The following PTPRG variants were observed in gnomAD, a reference collection of about 807,000 sequenced individuals.
PTPRG encodes the protein receptor-type tyrosine-protein phosphatase gamma.
In PTPRG, 102 loss-of-function variants were observed where a neutral mutation model predicts 165.3. That is an observed-to-expected ratio of 0.62 (90% CI 0.53 to 0.73). The LOEUF is 0.73. Among genes scored for constraint, PTPRG ranks in the 30% least tolerant of loss-of-function variants. The probability of loss-of-function intolerance (pLI) is 0.00; values close to 1 mark genes in which losing one functional copy is unlikely to be tolerated. For missense variants in PTPRG, 1,866 were observed against 1,861.4 expected, an observed-to-expected ratio of 1.00 and a Z score of -0.05; for synonymous variants, 675 against 669.5, an observed-to-expected ratio of 1.01 and a Z score of -0.13.
chr3:62,045,987 A>C (rs577040726), intron 4 of PTPRG, among the ~76,000 whole-genome samples: 2 of 152,244 alleles, frequency 1.3e-5, no homozygotes, highest in South Asian at 4.1e-4. Context: ...CATCTATAGG[A>C]GGTGGTTGAT....
At chr3:62,046,043 TC>T (rs1168140520) in intron 4 of PTPRG, among the ~76,000 whole-genome samples, 4 of 151,686 alleles carry the variant, frequency 2.6e-5, no homozygotes, top group Middle Eastern at 3.4e-3. Context: ...TGTGAGGTGG[TC>T]GCACAAAGCA....
intron 2 of PTPRG, among the ~76,000 whole-genome samples, chr3:61,950,605 T>A (rs184315130): frequency 6.6e-6 from 1 of 152,206 alleles, no homozygotes; most frequent in Admixed American, 6.5e-5. Context: ...ATAGGTTCTT[T>A]CTGTACAGTT....
At chr3:62,278,509 A>C (rs1289744260) in intron 26 of PTPRG, among the ~76,000 whole-genome samples, 1 of 152,094 alleles carries the variant, frequency 6.6e-6, no homozygotes, top group Non-Finnish European at 1.5e-5. Flanking sequence ...TGGGTCTATA[A>C]AAGTTACTGT....
chr3:61,814,893 T>C (rs1340267447), intron 2 of PTPRG, among the ~76,000 whole-genome samples: 2 of 151,972 alleles, frequency 1.3e-5, no homozygotes, highest in Non-Finnish European at 2.9e-5. Context: ...ATCAGGAAGC[T>C]AGCAGTTTTT....
intron 6 of PTPRG, among the ~76,000 whole-genome samples, chr3:62,150,180 G>T (rs534473326): frequency 5.4e-4 from 82 of 152,304 alleles, no homozygotes; most frequent in African/African-American, 1.8e-3. Flanking sequence ...AGAACATTTG[G>T]TCCCAAAGCA....
intron 1 of PTPRG, among the ~76,000 whole-genome samples, chr3:61,610,773 A>ACCCCCCCCCCCCCCCCCCCCC (rs1553640600): frequency 2.3e-5 from 1 of 42,668 alleles, no homozygotes; most frequent in African/African-American, 6.0e-5. Context: ...CTCCCTCCCT[A>ACCCCCCCCCCCCCCCCCCCCC]CCTCCCTCCC....
intron 1 of PTPRG, among the ~76,000 whole-genome samples, chr3:61,606,321 C>G (rs934687450): frequency 1.4e-4 from 22 of 152,188 alleles, no homozygotes; most frequent in African/African-American, 5.3e-4. Flanking sequence ...GTTTGCTTCT[C>G]CAAGGCCAAC....
At chr3:61,872,324 T>C (rs2107447161) in intron 2 of PTPRG, among the ~76,000 whole-genome samples, 1 of 152,256 alleles carries the variant, frequency 6.6e-6, no homozygotes, top group East Asian at 1.9e-4. Flanking sequence ...GAATAGTCAC[T>C]TCACTCCAGT....
chr3:61,577,894 T>C (rs1700202584), intron 1 of PTPRG, among the ~76,000 whole-genome samples: 1 of 152,206 alleles, frequency 6.6e-6, no homozygotes, highest in African/African-American at 2.4e-5. Context: ...ATTCCGGGTA[T>C]GTTAGGATAG....
chr3:61,649,475 T>G (rs1702289786), intron 1 of PTPRG, among the ~76,000 whole-genome samples: 1 of 152,198 alleles, frequency 6.6e-6, no homozygotes, highest in Non-Finnish European at 1.5e-5. Flanking sequence ...AGATATGCTG[T>G]GACCTCTCAT....
At chr3:62,074,356 T>C (rs112140986) in intron 4 of PTPRG, among the ~76,000 whole-genome samples, 1,228 of 64,860 alleles carry the variant, frequency 0.019, 9 homozygotes, top group African/African-American at 0.063. Flanking sequence ...TTCTTTCTTT[T>C]TTTTTTTTTT....
Position 61,830,889 on chromosome 3 carries a change from C to T in PTPRG, c.190+81907C>T, listed in dbSNP as rs1042679885. 5.3e-5 allele frequency among the ~76,000 whole-genome samples: 8 copies of T among 152,244 alleles called. No homozygotes were observed. In the South Asian group the frequency reaches 1.0e-3, roughly 20 times the overall value. ...GCGCCCTGCCGATGGATCTCTTTAT[C>T]GGGAGGTATAAATGCATCAAAATTT... On this transcript the variant is annotated intron_variant, in intron 2 of 29. Coordinates refer to ENST00000474889, the MANE Select transcript of PTPRG (RefSeq NM_002841.4).
chr3:61,621,033 G>GTGTATATATATATATATATATATATATA (rs767786792), intron 1 of PTPRG, among the ~76,000 whole-genome samples: 13 of 130,058 alleles, frequency 1.0e-4, no homozygotes, highest in Admixed American at 5.0e-4. Flanking sequence ...GTGTGTGTGT[G>GTGTATATATATATATATATATATATATA]TATATATATA....
chr3:62,093,375 C>A (rs964778802), intron 5 of PTPRG, among the ~76,000 whole-genome samples: 2 of 152,256 alleles, frequency 1.3e-5, no homozygotes, highest in African/African-American at 4.8e-5. Flanking sequence ...AACTTGAATT[C>A]TCTTCTCATT....
intron 5 of PTPRG, among the ~76,000 whole-genome samples, chr3:62,078,542 A>G (rs1183147574): frequency 1.3e-5 from 2 of 152,164 alleles, no homozygotes; most frequent in African/African-American, 4.8e-5. Flanking sequence ...AAGCATTTTG[A>G]ACAGGTTCCT....
At chr3:62,052,948 A>T (rs967950599) in intron 4 of PTPRG, among the ~76,000 whole-genome samples, 3 of 152,208 alleles carry the variant, frequency 2.0e-5, no homozygotes, top group Non-Finnish European at 2.9e-5. Flanking sequence ...GATAGAAAAG[A>T]CGGAGATACC....
At chr3:61,620,625 T>A (rs1362787872) in intron 1 of PTPRG, among the ~76,000 whole-genome samples, 1 of 152,062 alleles carries the variant, frequency 6.6e-6, no homozygotes, top group Non-Finnish European at 1.5e-5. Flanking sequence ...AGTTAACAGT[T>A]ACTTTTTTTT....
intron 2 of PTPRG, among the ~76,000 whole-genome samples, chr3:61,773,518 T>A (rs1387701046): frequency 2.0e-5 from 3 of 152,282 alleles, no homozygotes; most frequent in Admixed American, 6.5e-5. Context: ...GGTTATTGGA[T>A]AAATAATAAT....
intron 4 of PTPRG, among the ~76,000 whole-genome samples, chr3:62,045,962 A>C: frequency 6.6e-6 from 1 of 152,244 alleles, no homozygotes; most frequent in East Asian, 1.9e-4. Context: ...CAGCAGGGGC[A>C]TCATGATCTA....
Sources: allele counts gnomAD v4.1 joint callset (sites outside exome capture counted in the v4.1 genomes callset), GRCh38; gene constraint gnomAD v4.1.1; transcripts MANE v1.5; gene names NCBI Gene and HGNC (gene_info 2026-07-23, HGNC 2026-07-21).